IL17B: variants seen among roughly 807,000 people sequenced by gnomAD.
The protein encoded by IL17B is interleukin 17B, also known as interleukin-17B.
Under a neutral mutation model 14.7 loss-of-function variants are expected in IL17B, and 14 were observed. The observed-to-expected ratio is 0.95, with a 90% CI of 0.63 to 1.49. The LOEUF (loss-of-function observed/expected upper bound fraction) is 1.49, where lower values mean the gene tolerates loss of function less well. Ranked by LOEUF, IL17B falls within the 40% of genes most tolerant of loss-of-function variation. The probability of loss-of-function intolerance (pLI) is 0.00; values close to 1 mark genes in which losing one functional copy is unlikely to be tolerated. For synonymous variants in IL17B, 105 were observed against 94.8 expected (o/e 1.11, Z -0.62); for missense variants, 233 against 252.8 (o/e 0.92, Z 0.53).
In IL17B at chr5:149,376,736, C is replaced by G; in HGVS notation, c.311G>C (p.Ser104Thr). 1 of 1,602,548 alleles carries G rather than the reference C, an allele frequency of 6.2e-7. No individual in the cohort carries two copies. ...NKRSLSPWGY[S>T]INHDPSRIPV... Reference sequence around the variant, plus strand: ...AGCTTGCCACCACTGCCCAGCCTACCTGTAGCCCCAGGGAGACAGGCTCCT... The same window carrying G: ...AGCTTGCCACCACTGCCCAGCCTACGTGTAGCCCCAGGGAGACAGGCTCCT... Residue 104 changes from serine (S) to threonine (T), a missense_variant and splice_region_variant, in exon 2 of 3, where the codon AGC becomes ACC. Physicochemically the swap from Ser to Thr is moderately conservative, Grantham distance 58. Transcript: ENST00000261796.
chr5:149,393,235 C>T (rs1759023027), intron 1 of IL17B, among the ~76,000 whole-genome samples: 3 of 152,178 alleles, frequency 2.0e-5, no homozygotes, highest in African/African-American at 7.2e-5. Flanking sequence ...GTTCCCTTTG[C>T]TTCAATGCCC....
At chr5:149,386,294 T>C (rs897016257) in intron 1 of IL17B, among the ~76,000 whole-genome samples, 8 of 152,194 alleles carry the variant, frequency 5.3e-5, no homozygotes, top group Non-Finnish European at 8.8e-5. Flanking sequence ...AGCTTGGGGC[T>C]GGCTTGCGAT....
intron 1 of IL17B, among the ~76,000 whole-genome samples, chr5:149,401,731 G>A (rs1480911775): frequency 6.6e-6 from 1 of 152,072 alleles, no homozygotes; most frequent in Non-Finnish European, 1.5e-5. Flanking sequence ...CTCCAGCCTG[G>A]GTGACAGAGG....
At chr5:149,396,288 T>C (rs1759090440) in intron 1 of IL17B, among the ~76,000 whole-genome samples, 1 of 152,224 alleles carries the variant, frequency 6.6e-6, no homozygotes, top group Non-Finnish European at 1.5e-5. Context: ...AGCAGATATA[T>C]TCTAGAAATT....
intron 1 of IL17B, among the ~76,000 whole-genome samples, chr5:149,387,595 C>T (rs182619062): frequency 6.6e-6 from 1 of 151,922 alleles, no homozygotes; most frequent in East Asian, 1.9e-4. Context: ...ATAGCGAGAT[C>T]CTCGTCTCTA....
chr5:149,401,524 GTGA>G (rs1759205802), intron 1 of IL17B, among the ~76,000 whole-genome samples: 1 of 152,182 alleles, frequency 6.6e-6, no homozygotes, highest in Non-Finnish European at 1.5e-5. Flanking sequence ...GGCCAACATG[GTGA>G]AACCCCATCT....
intron 1 of IL17B, among the ~76,000 whole-genome samples, chr5:149,394,247 C>T (rs1437029687): frequency 1.3e-5 from 2 of 152,166 alleles, no homozygotes; most frequent in African/African-American, 2.4e-5. Flanking sequence ...AAATGCATAT[C>T]GCTATGGTTG....
At chr5:149,402,160 G>T (rs888999559) in intron 1 of IL17B, among the ~76,000 whole-genome samples, 52 of 152,184 alleles carry the variant, frequency 3.4e-4, no homozygotes, top group African/African-American at 1.1e-3. Flanking sequence ...ATGTGGTCTT[G>T]TATCAGTGCA....
chr5:149,377,677 G>C (rs1284316383), intron 1 of IL17B, among the ~76,000 whole-genome samples: 1 of 152,184 alleles, frequency 6.6e-6, no homozygotes, highest in Non-Finnish European at 1.5e-5. Context: ...GGTGTGGCTG[G>C]AGAAGAGTGG....
upstream of IL17B, among the ~76,000 whole-genome samples, chr5:149,382,469 C>T (rs1345358450): frequency 1.3e-5 from 2 of 152,204 alleles, no homozygotes; most frequent in Non-Finnish European, 2.9e-5. Flanking sequence ...ACTTAATATC[C>T]ACTTACTGAC....
At chr5:149,401,461 T>C (rs1759204283) in intron 1 of IL17B, among the ~76,000 whole-genome samples, 2 of 152,208 alleles carry the variant, frequency 1.3e-5, no homozygotes, top group African/African-American at 2.4e-5. Context: ...TCCCAGCACT[T>C]TGGGAGGCTG....
upstream of IL17B, among the ~76,000 whole-genome samples, chr5:149,382,280 G>A (rs781183115): frequency 2.0e-5 from 3 of 152,058 alleles, no homozygotes; most frequent in Non-Finnish European, 2.9e-5. Flanking sequence ...TGACACAGGC[G>A]GTGTCGGGGT....
chr5:149,390,732 G>A (rs1484945703), intron 1 of IL17B, among the ~76,000 whole-genome samples: 1 of 151,822 alleles, frequency 6.6e-6, no homozygotes, highest in Admixed American at 6.6e-5. Flanking sequence ...TGAGGCTTAG[G>A]AAGACTATCA....
intron 1 of IL17B, among the ~76,000 whole-genome samples, chr5:149,395,876 T>C (rs2127622249): frequency 6.6e-6 from 1 of 152,312 alleles, no homozygotes. Flanking sequence ...TTTCACCATG[T>C]TGGCCAGGCT....
chr5:149,379,386 C>T (rs1758628603), upstream of IL17B: 3 of 800,448 alleles, frequency 3.7e-6, no homozygotes, highest in East Asian at 2.7e-5. Flanking sequence ...GAGCCTTGGG[C>T]CCCCAGCTGG....
chr5:149,396,947 C>T (rs986354096), intron 1 of IL17B, among the ~76,000 whole-genome samples: 3 of 152,074 alleles, frequency 2.0e-5, no homozygotes, highest in African/African-American at 7.2e-5. Context: ...TGGGAAGGGG[C>T]AGAAGTTGTA....
chr5:149,384,448 G>A (rs946356564), intron 1 of IL17B, among the ~76,000 whole-genome samples: 3 of 152,226 alleles, frequency 2.0e-5, no homozygotes, highest in Non-Finnish European at 2.9e-5. Context: ...TGTATAGTGT[G>A]TTTGTGGGTG....
chr5:149,382,086 C>T (rs1319834543), upstream of IL17B, among the ~76,000 whole-genome samples: 1 of 152,240 alleles, frequency 6.6e-6, no homozygotes, highest in Non-Finnish European at 1.5e-5. Context: ...AGCCAGCCAA[C>T]CCTGAAAAAT....
At chr5:149,390,462 C>G (rs1292989209) in intron 1 of IL17B, among the ~76,000 whole-genome samples, 24 of 151,090 alleles carry the variant, frequency 1.6e-4, no homozygotes, top group Admixed American at 1.5e-3. Context: ...CGTAGTGACA[C>G]CCCCCTCCTC....
Sources: allele counts gnomAD v4.1 joint callset (sites outside exome capture counted in the v4.1 genomes callset), GRCh38; gene constraint gnomAD v4.1.1; transcripts MANE v1.5; gene names NCBI Gene and HGNC (gene_info 2026-07-23, HGNC 2026-07-21).